PTPRD: variants seen among roughly 807,000 people sequenced by gnomAD.
The protein encoded by PTPRD is receptor-type tyrosine-protein phosphatase delta.
A neutral mutation model predicts 214.5 loss-of-function variants in PTPRD; 34 were observed. That is an observed-to-expected ratio of 0.16 (90% CI 0.12 to 0.21). The LOEUF is 0.21. Among genes scored for constraint, PTPRD ranks in the 10% least tolerant of loss-of-function variants. The pLI is 1.00. For synonymous variants in PTPRD, 1,128 were observed against 845.7 expected, an observed-to-expected ratio of 1.33 and a Z score of -5.79; for missense variants, 2,545 against 2,398.7, an observed-to-expected ratio of 1.06 and a Z score of -1.27.
At chr9:8,649,648 C>T (rs1211621148) in intron 12 of PTPRD, among the ~76,000 whole-genome samples, 5 of 152,054 alleles carry the variant, frequency 3.3e-5, no homozygotes, top group Admixed American at 3.3e-4. Context: ...TTTATAGATA[C>T]ACAATTTTGA....
chr9:10,462,302 T>C (rs1268201108), intron 2 of PTPRD, among the ~76,000 whole-genome samples: 1 of 152,210 alleles, frequency 6.6e-6, no homozygotes, highest in African/African-American at 2.4e-5. Context: ...CATTTCCTTT[T>C]TATTTGAATG....
intron 8 of PTPRD, chr9:9,442,515 T>A (rs963633257): frequency 6.6e-6 from 1 of 152,198 alleles, no homozygotes; most frequent in African/African-American, 2.4e-5. Context: ...TACTGTAATT[T>A]AGATAAACTC....
At chr9:10,436,066 T>C (rs1475254881) in intron 2 of PTPRD, among the ~76,000 whole-genome samples, 2 of 151,798 alleles carry the variant, frequency 1.3e-5, no homozygotes, top group Non-Finnish European at 2.9e-5. Context: ...GTTTGAAAAG[T>C]CATTTAGTAA....
intron 2 of PTPRD, among the ~76,000 whole-genome samples, chr9:10,587,308 G>A (rs577775811): frequency 3.9e-5 from 6 of 152,006 alleles, no homozygotes; most frequent in Non-Finnish European, 7.4e-5. Flanking sequence ...CAAAACTATC[G>A]TCTGGATAAA....
chr9:8,446,157 G>A (rs1000716929), intron 34 of PTPRD, among the ~76,000 whole-genome samples: 3 of 152,192 alleles, frequency 2.0e-5, no homozygotes, highest in African/African-American at 4.8e-5. Context: ...AGCAACGGTG[G>A]ATGGAAATCT....
At chr9:10,412,992 C>G (rs2098452892) in intron 2 of PTPRD, among the ~76,000 whole-genome samples, 1 of 151,808 alleles carries the variant, frequency 6.6e-6, no homozygotes, top group Non-Finnish European at 1.5e-5. Flanking sequence ...CATGGCAGAC[C>G]CACAACCAAC....
intron 11 of PTPRD, among the ~76,000 whole-genome samples, chr9:8,746,616 A>C (rs1026242274): frequency 2.0e-5 from 3 of 152,184 alleles, no homozygotes; most frequent in African/African-American, 7.2e-5. Context: ...TCAACACCAA[A>C]CTTTCTAGAA....
intron 7 of PTPRD, among the ~76,000 whole-genome samples, chr9:9,721,479 G>A (rs1018989941): frequency 6.6e-6 from 1 of 151,976 alleles, no homozygotes; most frequent in Non-Finnish European, 1.5e-5. Context: ...GGGGGCACAG[G>A]TTCAAAACAA....
intron 9 of PTPRD, among the ~76,000 whole-genome samples, chr9:9,326,240 T>TGATGA (rs1201183491): frequency 4.6e-4 from 70 of 152,286 alleles, no homozygotes; most frequent in African/African-American, 1.6e-3. Context: ...CTGTGATCTT[T>TGATGA]CACTCAAATA....
chr9:10,095,790 A>G (rs969159666), intron 3 of PTPRD, among the ~76,000 whole-genome samples: 4 of 151,576 alleles, frequency 2.6e-5, no homozygotes, highest in African/African-American at 9.7e-5. Context: ...TCATGGATAA[A>G]TACATGTATA....
chr9:8,504,409 G>A lies in PTPRD; in HGVS notation c.1678-4C>T, dbSNP rs2137240706. ...CTGGCTCAATGGTAATTCGTTGCTG[G>A]AAGCAATAAGAGAATGTGGTCATCT... On this transcript the variant is annotated splice_region_variant and splice_polypyrimidine_tract_variant and intron_variant, in intron 22 of 45. Transcript: ENST00000381196. 1 of 1,614,022 alleles carries A rather than the reference G, an allele frequency of 6.2e-7. No individual in the cohort carries two copies. The highest frequency in any genetic ancestry group is 1.1e-5 in the South Asian group (1 of 91,064).
At chr9:9,990,219 G>T (rs185092597) in intron 4 of PTPRD, among the ~76,000 whole-genome samples, 3 of 152,156 alleles carry the variant, frequency 2.0e-5, no homozygotes, top group African/African-American at 7.2e-5. Flanking sequence ...TGTTGGCCAA[G>T]GTCCTCAGGT....
intron 9 of PTPRD, among the ~76,000 whole-genome samples, chr9:9,313,783 C>G (rs1960715568): frequency 6.6e-6 from 1 of 152,154 alleles, no homozygotes; most frequent in African/African-American, 2.4e-5. Flanking sequence ...GGTTCTTCAG[C>G]TAATCAATTG....
chr9:8,679,146 T>G (rs2097499670), intron 12 of PTPRD, among the ~76,000 whole-genome samples: 1 of 152,134 alleles, frequency 6.6e-6, no homozygotes, highest in Non-Finnish European at 1.5e-5. Flanking sequence ...GATTCCATCT[T>G]TAGAGGCAGA....
intron 3 of PTPRD, among the ~76,000 whole-genome samples, chr9:10,230,168 A>G (rs575212660): frequency 6.6e-6 from 1 of 152,162 alleles, no homozygotes; most frequent in South Asian, 2.1e-4. Context: ...TCATCAAAAG[A>G]TAGGAGAAAA....
intron 3 of PTPRD, among the ~76,000 whole-genome samples, chr9:10,201,189 A>G (rs2099418658): frequency 6.6e-6 from 1 of 152,080 alleles, no homozygotes; most frequent in African/African-American, 2.4e-5. Flanking sequence ...CTGTGAAGGA[A>G]ACCATTTCAA....
At chr9:9,082,030 G>A (rs1195715154) in intron 10 of PTPRD, among the ~76,000 whole-genome samples, 1 of 151,896 alleles carries the variant, frequency 6.6e-6, no homozygotes, top group African/African-American at 2.4e-5. Flanking sequence ...TCTACCAGAG[G>A]TACAAAGAGG....
At chr9:8,867,336 A>T (rs2098216503) in intron 11 of PTPRD, among the ~76,000 whole-genome samples, 1 of 152,178 alleles carries the variant, frequency 6.6e-6, no homozygotes, top group South Asian at 2.1e-4. Context: ...AGTGAGGCAG[A>T]TGTTCTGCTC....
intron 7 of PTPRD, among the ~76,000 whole-genome samples, chr9:9,632,660 T>C (rs776578578): frequency 2.6e-5 from 4 of 152,138 alleles, no homozygotes; most frequent in Non-Finnish European, 5.9e-5. Context: ...TGCTTCATTT[T>C]TCTGCTTCTA....
Sources: allele counts gnomAD v4.1 joint callset (sites outside exome capture counted in the v4.1 genomes callset), GRCh38; gene constraint gnomAD v4.1.1; transcripts MANE v1.5; gene names NCBI Gene and HGNC (gene_info 2026-07-23, HGNC 2026-07-21).